The following MAF variants were observed in gnomAD, a reference collection of about 807,000 sequenced individuals.
MAF encodes MAF bZIP transcription factor.
Under a neutral mutation model 22.0 loss-of-function variants are expected in MAF, and 10 were observed. The observed-to-expected ratio is 0.45, with a 90% CI of 0.28 to 0.77. MAF has a LOEUF of 0.77. MAF is among the 30% of genes least tolerant of loss of function. The pLI is 0.12. For synonymous variants in MAF, 337 were observed against 255.8 expected, an observed-to-expected ratio of 1.32 and a Z score of -3.03; for missense variants, 544 against 548.4, an observed-to-expected ratio of 0.99 and a Z score of 0.08.
the MAF span, among the ~76,000 whole-genome samples, chr16:79,433,251 T>C: frequency 5.1e-5 from 7 of 136,764 alleles, no homozygotes; most frequent in Non-Finnish European, 9.4e-5. Context: ...AAATACATAA[T>C]GTAAGATAAG....
At chr16:79,207,737 GTATTA>G in the MAF span, among the ~76,000 whole-genome samples, 4 of 151,960 alleles carry the variant, frequency 2.6e-5, no homozygotes, top group African/African-American at 7.2e-5. Flanking sequence ...GTCCCTGTGA[GTATTA>G]TATTAGAGTA....
the MAF span, among the ~76,000 whole-genome samples, chr16:79,253,867 G>C: frequency 1.3e-5 from 2 of 151,888 alleles, no homozygotes; most frequent in African/African-American, 2.4e-5. Flanking sequence ...AATCCTAGGG[G>C]TTCTTTTCCT....
chr16:79,350,741 G>A, the MAF span, among the ~76,000 whole-genome samples: 2 of 152,318 alleles, frequency 1.3e-5, no homozygotes, highest in South Asian at 4.1e-4. Context: ...GCAGGGACCT[G>A]CCCTGGGAAC....
the MAF span, among the ~76,000 whole-genome samples, chr16:79,538,155 T>G: frequency 1.3e-5 from 2 of 152,242 alleles, no homozygotes; most frequent in East Asian, 3.8e-4. Context: ...ATGATCACTA[T>G]AGCAGATATT....
chr16:79,583,291 G>C (rs915394111), downstream of MAF, among the ~76,000 whole-genome samples: 6 of 152,182 alleles, frequency 3.9e-5, no homozygotes, highest in African/African-American at 1.2e-4. Context: ...TTTGACAACT[G>C]TTTGAATTCA....
At chr16:79,453,083 G>C in the MAF span, among the ~76,000 whole-genome samples, 3 of 152,154 alleles carry the variant, frequency 2.0e-5, no homozygotes, top group East Asian at 5.8e-4. Flanking sequence ...TCTAGGTAAT[G>C]TCATCCAATA....
At chr16:79,324,191 C>T in the MAF span, among the ~76,000 whole-genome samples, 19 of 152,236 alleles carry the variant, frequency 1.2e-4, no homozygotes, top group African/African-American at 4.6e-4. Flanking sequence ...ATGAGTAGCG[C>T]CCATTTCATA....
the MAF span, among the ~76,000 whole-genome samples, chr16:79,287,484 T>A: frequency 6.6e-6 from 1 of 152,198 alleles, no homozygotes; most frequent in Non-Finnish European, 1.5e-5. Context: ...TTGTGAGGGT[T>A]GTGGCAGGAG....
the MAF span, among the ~76,000 whole-genome samples, chr16:79,505,199 A>C: frequency 3.6e-4 from 55 of 152,176 alleles, no homozygotes; most frequent in African/African-American, 1.3e-3. Context: ...AAATTTTGTA[A>C]AGCATTGACA....
chr16:79,371,126 C>A, the MAF span, among the ~76,000 whole-genome samples: 1 of 120,344 alleles, frequency 8.3e-6, no homozygotes, highest in Non-Finnish European at 1.8e-5. Flanking sequence ...AACATTCATT[C>A]ACATTTTTTT....
chr16:79,253,995 G>C, the MAF span, among the ~76,000 whole-genome samples: 3 of 151,276 alleles, frequency 2.0e-5, no homozygotes, highest in African/African-American at 7.3e-5. Flanking sequence ...TGTTGCTGGG[G>C]CATCTGTGAA....
the MAF span, among the ~76,000 whole-genome samples, chr16:79,458,581 A>T: frequency 6.6e-6 from 1 of 152,176 alleles, no homozygotes; most frequent in Admixed American, 6.5e-5. Flanking sequence ...ATGGAGGTGG[A>T]AGAGGTGAAA....
At chr16:79,596,006 G>A (rs1041061662) in intron 1 of MAF, 56 of 1,060,048 alleles carry the variant, frequency 5.3e-5, no homozygotes, top group Non-Finnish European at 6.2e-5. Flanking sequence ...AGAAAATCTC[G>A]GTGTGTAAGA....
At chr16:79,457,947 A>T in the MAF span, among the ~76,000 whole-genome samples, 1 of 152,150 alleles carries the variant, frequency 6.6e-6, no homozygotes, top group Non-Finnish European at 1.5e-5. Flanking sequence ...TTGACTGTAG[A>T]ACATTTTTAG....
chr16:79,231,305 C>G, the MAF span, among the ~76,000 whole-genome samples: 6 of 152,166 alleles, frequency 3.9e-5, no homozygotes, highest in African/African-American at 1.4e-4. Context: ...TTTTGGTATT[C>G]TGACCTGGTT....
At chr16:79,317,035 G>T in the MAF span, among the ~76,000 whole-genome samples, 1 of 152,176 alleles carries the variant, frequency 6.6e-6, no homozygotes, top group Non-Finnish European at 1.5e-5. Flanking sequence ...AAGAGATGGA[G>T]CCAAGAGTTA....
At chr16:79,580,529 A>G in the MAF span, among the ~76,000 whole-genome samples, 1 of 152,106 alleles carries the variant, frequency 6.6e-6, no homozygotes, top group Non-Finnish European at 1.5e-5. Context: ...CAGAGACAGT[A>G]CCTCGGGGGA....
the MAF span, among the ~76,000 whole-genome samples, chr16:79,518,387 T>C: frequency 6.6e-6 from 1 of 152,186 alleles, no homozygotes; most frequent in African/African-American, 2.4e-5. Context: ...GAGAAGTCAT[T>C]AACAACACAA....
the MAF span, among the ~76,000 whole-genome samples, chr16:79,315,968 T>G: frequency 1.3e-5 from 2 of 152,242 alleles, no homozygotes; most frequent in African/African-American, 4.8e-5. Flanking sequence ...CAATAGCACC[T>G]GCCATTCTGA....
Sources: allele counts gnomAD v4.1 joint callset (sites outside exome capture counted in the v4.1 genomes callset), GRCh38; gene constraint gnomAD v4.1.1; transcripts MANE v1.5; gene names NCBI Gene and HGNC (gene_info 2026-07-23, HGNC 2026-07-21).